Variants in GNL3L observed in about 807,000 individuals in gnomAD.
The protein encoded by GNL3L is guanine nucleotide-binding protein-like 3-like protein.
A neutral mutation model predicts 42.9 loss-of-function variants in GNL3L; 4 were observed. The ratio of observed to expected loss-of-function variants is 0.09; its 90% CI spans 0.05 to 0.21. GNL3L has a LOEUF of 0.21. GNL3L is among the 10% of genes least tolerant of loss of function. The pLI, the probability that GNL3L is intolerant of heterozygous loss-of-function variation, is 1.00. For synonymous variants in GNL3L, 159 were observed against 176.3 expected (o/e 0.90, Z 0.78); for missense variants, 412 against 481.7 (o/e 0.86, Z 1.36).
chrX:54,581,137 A>C (rs1452647856), intron 16 of GNL3L, among the ~76,000 whole-genome samples: 2 of 112,381 alleles, frequency 1.8e-5, no homozygotes, highest in Admixed American at 9.4e-5. Context: ...ATTCCATGTA[A>C]GCTTTACCCA....
chrX:54,610,407 G>A (rs776900092), intron 16 of GNL3L, among the ~76,000 whole-genome samples: 24 of 111,447 alleles, frequency 2.2e-4, no homozygotes, highest in African/African-American at 6.5e-4. Context: ...AGTGGTGAGA[G>A]TGGGTATCCT....
intron 16 of GNL3L, among the ~76,000 whole-genome samples, chrX:54,587,750 A>C (rs56019882): frequency 0.015 from 1,575 of 107,761 alleles, 34 homozygotes; most frequent in African/African-American, 0.051. Flanking sequence ...GCACGATCTC[A>C]GCTCACTGCA....
Position 54,620,512 on chromosome X carries a change from C to T in GNL3L, c.*46-333C>T, listed in dbSNP as rs750945556. On this transcript the variant is annotated intron_variant, in intron 16 of 16. Coordinates refer to the GNL3L transcript ENST00000674498. The stretch of plus-strand genomic sequence containing the variant: ...ATAGTACTCCGTTGTGTATATGTAC[C>T]ACATTTTTCTTTATCCATTCATCTG... 4.5e-5 allele frequency among the ~76,000 whole-genome samples: 5 copies of T among 111,904 alleles called. No homozygotes were observed. In the East Asian group the frequency reaches 1.1e-3, roughly 25 times the overall value.
intron 13 of GNL3L, among the ~76,000 whole-genome samples, chrX:54,553,901 T>A (rs1925013162): frequency 9.0e-6 from 1 of 111,311 alleles, no homozygotes; most frequent in Non-Finnish European, 1.9e-5. Context: ...GTTCTTATGA[T>A]GATGCTTGAC....
chrX:54,603,280 A>G (rs919234164), intron 16 of GNL3L, among the ~76,000 whole-genome samples: 6 of 111,742 alleles, frequency 5.4e-5, no homozygotes, highest in Non-Finnish European at 7.5e-5. Flanking sequence ...CAATCAATCA[A>G]TGGAAAGAAG....
chrX:54,630,641 T>C, the GNL3L span, among the ~76,000 whole-genome samples: 2 of 105,471 alleles, frequency 1.9e-5, no homozygotes, highest in Non-Finnish European at 3.9e-5. Context: ...TTCGATTTTC[T>C]TTTGTTTTCT....
At chrX:54,609,778 C>T (rs1926141315) in intron 16 of GNL3L, among the ~76,000 whole-genome samples, 1 of 111,511 alleles carries the variant, frequency 9.0e-6, no homozygotes, top group Admixed American at 9.5e-5. Context: ...AAAATCAGGT[C>T]GTGTGATGCC....
intron 2 of GNL3L, among the ~76,000 whole-genome samples, chrX:54,533,595 T>C (rs1457936203): frequency 9.0e-6 from 1 of 110,571 alleles, no homozygotes; most frequent in Non-Finnish European, 1.9e-5. Context: ...AATCATACTT[T>C]TATTTTATTT....
At position 54,553,440 on chromosome X, in the gene GNL3L, G is replaced by A. The variant is rs1925001562; in HGVS notation, c.1318+1012G>A. ...TAGTTTTCCTTCTCTGGGTCTTTTAGTGTCCTTGTGTTACACACGAGGTTA... is the reference window on the plus strand; with the variant it reads ...TAGTTTTCCTTCTCTGGGTCTTTTAATGTCCTTGTGTTACACACGAGGTTA... On this transcript the variant is annotated intron_variant, in intron 13 of 15. Coordinates refer to ENST00000360845, the MANE Select transcript of GNL3L (RefSeq NM_001184819.2). Among the ~76,000 whole-genome samples, 3 of 112,597 alleles carry A rather than the reference G, an allele frequency of 2.7e-5. No homozygotes were observed. The Admixed American group carries it at 2.8e-4, about 11-fold the overall frequency.
chrX:54,580,890 C>T (rs757431498), intron 16 of GNL3L, among the ~76,000 whole-genome samples: 438 of 112,253 alleles, frequency 3.9e-3, no homozygotes, highest in Non-Finnish European at 6.1e-3. Flanking sequence ...AAGTGATTCT[C>T]CTGCCTCAGC....
intron 16 of GNL3L, among the ~76,000 whole-genome samples, chrX:54,609,336 A>G (rs1023421833): frequency 8.9e-6 from 1 of 112,459 alleles, no homozygotes; most frequent in Admixed American, 9.4e-5. Context: ...TTTGCCTTGC[A>G]AAGCTCTTTA....
chrX:54,593,164 T>C (rs1264342466), intron 16 of GNL3L, among the ~76,000 whole-genome samples: 3 of 112,031 alleles, frequency 2.7e-5, no homozygotes, highest in Non-Finnish European at 5.6e-5. Context: ...TATTTTCTCC[T>C]CCTCTATTTT....
At chrX:54,603,434 G>A (rs1926025151) in intron 16 of GNL3L, among the ~76,000 whole-genome samples, 2 of 111,548 alleles carry the variant, frequency 1.8e-5, no homozygotes, top group Admixed American at 9.5e-5. Flanking sequence ...GGGTGAAAGT[G>A]GGATGATAAA....
downstream of GNL3L, among the ~76,000 whole-genome samples, chrX:54,567,646 CA>C (rs773348759): frequency 0.013 from 986 of 76,304 alleles, 31 homozygotes; most frequent in Admixed American, 0.1. Context: ...AACTCCATCT[CA>C]AAAAAAAAAA....
chrX:54,567,596 A>C (rs1018430330), downstream of GNL3L, among the ~76,000 whole-genome samples: 4 of 106,371 alleles, frequency 3.8e-5, no homozygotes, highest in Non-Finnish European at 5.8e-5. Flanking sequence ...CAGTGAGCCG[A>C]GATCACACCA....
intron 16 of GNL3L, among the ~76,000 whole-genome samples, chrX:54,595,201 A>G: frequency 8.9e-6 from 1 of 111,779 alleles, no homozygotes; most frequent in Non-Finnish European, 1.9e-5. Flanking sequence ...CTTGTAGGAC[A>G]GGTTTGGTGT....
At chrX:54,633,055 G>A in the GNL3L span, among the ~76,000 whole-genome samples, 1 of 111,038 alleles carries the variant, frequency 9.0e-6, no homozygotes, top group African/African-American at 3.3e-5. Context: ...TGGGCTCTGG[G>A]CTGGTACTCG....
At chrX:54,600,693 G>A (rs1310220469) in intron 16 of GNL3L, among the ~76,000 whole-genome samples, 1 of 110,710 alleles carries the variant, frequency 9.0e-6, no homozygotes. Context: ...GGGGACTTCT[G>A]TCTCCCTACT....
At chrX:54,546,389 A>G (rs1317314364) in intron 8 of GNL3L, among the ~76,000 whole-genome samples, 4 of 111,211 alleles carry the variant, frequency 3.6e-5, no homozygotes, top group South Asian at 7.5e-4. Flanking sequence ...TCCTTGGCAC[A>G]TGGGCAAGTG....
Sources: gnomAD v4.1 joint callset for allele counts (sites outside exome capture counted in the v4.1 genomes callset) on GRCh38, gnomAD v4.1.1 for gene constraint, MANE v1.5 for transcripts, NCBI Gene and HGNC (gene_info 2026-07-23, HGNC 2026-07-21) for gene names.